The following RBFOX1 variants were observed in gnomAD, a reference collection of about 807,000 sequenced individuals.
RBFOX1 encodes RNA binding fox-1 homolog 1, also known as RNA binding protein fox-1 homolog 1.
In RBFOX1, 8 loss-of-function variants were observed where a neutral mutation model predicts 57.7. That is an observed-to-expected ratio of 0.14 (90% CI 0.08 to 0.25). The LOEUF (loss-of-function observed/expected upper bound fraction) is 0.25, where lower values mean the gene tolerates loss of function less well. Ranked by LOEUF, RBFOX1 falls within the 10% of genes least tolerant of loss-of-function variation. The probability of loss-of-function intolerance (pLI) is 1.00; values close to 1 mark genes in which losing one functional copy is unlikely to be tolerated. For synonymous variants in RBFOX1, 326 were observed against 222.4 expected (o/e 1.47, Z -4.15); for missense variants, 611 against 548.5 (o/e 1.11, Z -1.14).
chr16:7,668,376 C>A (rs573921825), intron 13 of RBFOX1, among the ~76,000 whole-genome samples: 1 of 152,276 alleles, frequency 6.6e-6, no homozygotes, highest in African/African-American at 2.4e-5. Flanking sequence ...GACAGATGAT[C>A]ACAGATATCT....
chr16:7,047,716 CT>C (rs55636828), intron 3 of RBFOX1, among the ~76,000 whole-genome samples: 94 of 47,910 alleles, frequency 2.0e-3, no homozygotes, highest in South Asian at 6.4e-3. Context: ...TCCTGCATTT[CT>C]TTTTTTTTTT....
intron 1 of RBFOX1, among the ~76,000 whole-genome samples, chr16:6,266,654 C>G (rs2074539399): frequency 6.6e-6 from 1 of 151,220 alleles, no homozygotes. Flanking sequence ...GCGAAGGTTG[C>G]AGTGAGCTGA....
At chr16:5,373,221 C>G (rs376122284) in intron 1 of RBFOX1, among the ~76,000 whole-genome samples, 3 of 152,134 alleles carry the variant, frequency 2.0e-5, no homozygotes, top group East Asian at 3.9e-4. Context: ...TTCTAGGTGT[C>G]GTGTTACTGG....
chr16:6,299,872 C>G (rs1270161364), intron 1 of RBFOX1, among the ~76,000 whole-genome samples: 3 of 152,194 alleles, frequency 2.0e-5, no homozygotes, highest in Admixed American at 2.0e-4. Context: ...GATGGCTTCA[C>G]TAGAAGCCCA....
chr16:5,826,735 C>A lies in RBFOX1; in HGVS notation c.319-40568C>A, dbSNP rs572846156. 5.3e-5 allele frequency among the ~76,000 whole-genome samples: 8 copies of A among 152,330 alleles called. No homozygotes were observed. In the South Asian group the frequency reaches 1.7e-3, roughly 32 times the overall value. On this transcript the variant is annotated intron_variant, in intron 3 of 19. Coordinates refer to the RBFOX1 transcript ENST00000641259. Reference sequence around the variant, plus strand: ...TATTAATTAAAATCACATCCATATGCTGTCCTATAAATTTTTTATATGTGT... The same window carrying A: ...TATTAATTAAAATCACATCCATATGATGTCCTATAAATTTTTTATATGTGT...
chr16:6,689,679 G>A (rs763487853), intron 3 of RBFOX1, among the ~76,000 whole-genome samples: 6 of 152,114 alleles, frequency 3.9e-5, no homozygotes, highest in African/African-American at 1.4e-4. Flanking sequence ...AAATCCTCTG[G>A]AAGTACTTTG....
At chr16:6,879,829 A>G (rs762387684) in intron 3 of RBFOX1, among the ~76,000 whole-genome samples, 1 of 152,230 alleles carries the variant, frequency 6.6e-6, no homozygotes, top group Non-Finnish European at 1.5e-5. Flanking sequence ...ATGATGTTAA[A>G]TTTACAAAGA....
chr16:6,332,307 T>C (rs991475760), intron 2 of RBFOX1, among the ~76,000 whole-genome samples: 7 of 152,238 alleles, frequency 4.6e-5, no homozygotes, highest in African/African-American at 1.4e-4. Context: ...TACCTGTCAC[T>C]GTGTGAGGCA....
intron 4 of RBFOX1, among the ~76,000 whole-genome samples, chr16:5,875,709 T>G (rs1325418553): frequency 1.3e-5 from 2 of 152,202 alleles, no homozygotes; most frequent in African/African-American, 4.8e-5. Context: ...TAAGAGTGTT[T>G]CAGAAGCATC....
chr16:5,434,425 G>A (rs560580222), intron 1 of RBFOX1, among the ~76,000 whole-genome samples: 2 of 145,490 alleles, frequency 1.4e-5, no homozygotes, highest in East Asian at 2.2e-4. Flanking sequence ...AAGTTCAAGC[G>A]ATTTTCCTGC....
chr16:6,692,208 G>A (rs956287831), intron 3 of RBFOX1, among the ~76,000 whole-genome samples: 6 of 152,172 alleles, frequency 3.9e-5, no homozygotes, highest in Admixed American at 3.9e-4. Flanking sequence ...TACAAGTTTA[G>A]CATCAATAGG....
intron 3 of RBFOX1, among the ~76,000 whole-genome samples, chr16:5,714,428 C>T (rs985073078): frequency 4.6e-5 from 7 of 152,164 alleles, no homozygotes; most frequent in East Asian, 1.9e-4. Flanking sequence ...GGAATAGAGA[C>T]GTGCCCAGCT....
At chr16:6,865,400 C>T (rs553203644) in intron 3 of RBFOX1, among the ~76,000 whole-genome samples, 1 of 151,994 alleles carries the variant, frequency 6.6e-6, no homozygotes, top group Non-Finnish European at 1.5e-5. Flanking sequence ...GAAGAAAAAT[C>T]ATTTCTAATT....
Position 6,359,146 on chromosome 16 carries a change from G to A in RBFOX1, c.-64+42089G>A, listed in dbSNP as rs1439352095. ...CTAGCTCTGTCACCCAGGCTGGAGT[G>A]CAGTGGCACGATCTCAGCTCACTGC... On this transcript the variant is annotated intron_variant, in intron 2 of 15. Coordinates refer to ENST00000550418, the MANE Select transcript of RBFOX1 (RefSeq NM_018723.4). 2.6e-5 allele frequency among the ~76,000 whole-genome samples: 4 copies of A among 152,174 alleles called. 1 individual carries two copies. Among genetic ancestry groups the A allele is most frequent in the Admixed American group, 1.3e-4 (2 of 15,278 alleles).
At chr16:6,004,450 G>C (rs2060657750) in intron 4 of RBFOX1, among the ~76,000 whole-genome samples, 1 of 152,172 alleles carries the variant, frequency 6.6e-6, no homozygotes, top group South Asian at 2.1e-4. Flanking sequence ...TGAAGCATTT[G>C]TGAACTTAAA....
chr16:5,270,313 C>G, intron 1 of RBFOX1: 1 of 699,414 alleles, frequency 1.4e-6, no homozygotes, highest in South Asian at 1.5e-5. Context: ...ATTGGAAAGA[C>G]TTGGTCACCA....
chr16:5,968,265 G>A (rs894081996), intron 4 of RBFOX1, among the ~76,000 whole-genome samples: 4 of 151,958 alleles, frequency 2.6e-5, no homozygotes, highest in African/African-American at 9.7e-5. Context: ...AGTAGAGATG[G>A]GGTTTCACCA....
At chr16:5,333,836 G>T (rs1424252357) in intron 1 of RBFOX1, among the ~76,000 whole-genome samples, 1 of 152,182 alleles carries the variant, frequency 6.6e-6, no homozygotes, top group Admixed American at 6.5e-5. Flanking sequence ...GTTAGTATTT[G>T]TGTATCATAT....
At chr16:6,631,723 C>G (rs191854624) in intron 2 of RBFOX1, among the ~76,000 whole-genome samples, 3 of 152,218 alleles carry the variant, frequency 2.0e-5, no homozygotes, top group African/African-American at 7.2e-5. Flanking sequence ...GGGGGAAGAG[C>G]TCACTGATGA....
Sources: allele counts gnomAD v4.1 joint callset (sites outside exome capture counted in the v4.1 genomes callset), GRCh38; gene constraint gnomAD v4.1.1; transcripts MANE v1.5; gene names NCBI Gene and HGNC (gene_info 2026-07-23, HGNC 2026-07-21).